PRDM5: variants seen among roughly 807,000 people sequenced by gnomAD.
PRDM5 encodes PR/SET domain 5.
PRDM5 carries 56 observed loss-of-function variants against 81.2 expected under a neutral mutation model. The ratio of observed to expected loss-of-function variants is 0.69; its 90% CI spans 0.56 to 0.86. The LOEUF is 0.86. Among genes scored for constraint, PRDM5 ranks in the 40% least tolerant of loss-of-function variants. The probability of loss-of-function intolerance (pLI) is 0.00; values close to 1 mark genes in which losing one functional copy is unlikely to be tolerated. For synonymous variants in PRDM5, 267 were observed against 256.4 expected, an observed-to-expected ratio of 1.04 and a Z score of -0.39; for missense variants, 697 against 770.1, an observed-to-expected ratio of 0.91 and a Z score of 1.12.
At chr4:120,843,201 A>T (rs1849078) in intron 3 of PRDM5, among the ~76,000 whole-genome samples, 1 of 151,886 alleles carries the variant, frequency 6.6e-6, no homozygotes, top group East Asian at 1.9e-4. Flanking sequence ...AGGCGTGATG[A>T]TGTGCACCTG....
intron 8 of PRDM5, among the ~76,000 whole-genome samples, chr4:120,805,459 A>G (rs1041798691): frequency 6.6e-6 from 1 of 152,198 alleles, no homozygotes; most frequent in Non-Finnish European, 1.5e-5. Flanking sequence ...TCGATAAAAT[A>G]CTGGCAAATC....
At chr4:120,728,325 T>C (rs184008099) in intron 14 of PRDM5, among the ~76,000 whole-genome samples, 1 of 152,188 alleles carries the variant, frequency 6.6e-6, no homozygotes, top group African/African-American at 2.4e-5. Flanking sequence ...ATAAATAGCA[T>C]TTGGTGATGA....
intron 9 of PRDM5, 95 bp from the exon 10 acceptor site, chr4:120,798,519 G>C (rs984755464): frequency 1.4e-5 from 16 of 1,141,238 alleles, no homozygotes; most frequent in Non-Finnish European, 1.9e-5. Context: ...CTTACGGTAA[G>C]AAAACTAAAG....
At chr4:120,908,326 T>C (rs1186579346) in intron 1 of PRDM5, among the ~76,000 whole-genome samples, 4 of 152,214 alleles carry the variant, frequency 2.6e-5, no homozygotes, top group Non-Finnish European at 4.4e-5. Context: ...AGACATTTTG[T>C]TGAAATGTGT....
At chr4:120,700,987 C>T (rs573378186) in intron 15 of PRDM5, among the ~76,000 whole-genome samples, 161 of 151,894 alleles carry the variant, frequency 1.1e-3, no homozygotes, top group Non-Finnish European at 3.5e-4. Context: ...TAGCTGGGTG[C>T]GGTGGCGGGT....
chr4:120,873,849 A>G lies in PRDM5; in HGVS notation c.178-20309T>C, dbSNP rs144318263. Among the ~76,000 whole-genome samples the G allele has an allele frequency of 1.0e-3, 153 of 152,308 alleles. 1 individual carries two copies. Among genetic ancestry groups the G allele is most frequent in the African/African-American group, 3.5e-3 (145 of 41,582 alleles). ...AAAGGTACTTATTTTTTCAGCACCCATGTATATAATTTTTCTGGGATAGTA... is the reference window on the plus strand; with the variant it reads ...AAAGGTACTTATTTTTTCAGCACCCGTGTATATAATTTTTCTGGGATAGTA... On this transcript the variant is annotated intron_variant, in intron 2 of 15. Transcript: ENST00000264808.
At chr4:120,784,553 G>T (rs544971933) in intron 11 of PRDM5, among the ~76,000 whole-genome samples, 43 of 152,184 alleles carry the variant, frequency 2.8e-4, no homozygotes, top group South Asian at 2.3e-3. Flanking sequence ...TCAAATTAAG[G>T]TGTCCGATTA....
chr4:120,699,193 TATATATATATA>T (rs200885274), intron 15 of PRDM5, among the ~76,000 whole-genome samples: 20,145 of 128,862 alleles, frequency 0.16, 2,112 homozygotes, highest in East Asian at 0.47. Flanking sequence ...TATATATATA[TATATATATATA>T]TTTCAGATGT....
intron 3 of PRDM5, chr4:120,838,412 G>A (rs1343444866): frequency 6.6e-6 from 1 of 152,124 alleles, no homozygotes; most frequent in African/African-American, 2.4e-5. Context: ...TCTCAAACAT[G>A]TATCATTTCT....
intron 2 of PRDM5, among the ~76,000 whole-genome samples, chr4:120,860,996 G>A (rs1387417687): frequency 6.6e-6 from 1 of 152,136 alleles, no homozygotes; most frequent in African/African-American, 2.4e-5. Flanking sequence ...TAGCCTTATA[G>A]TCATCAGTTA....
chr4:120,838,648 AG>A (rs1381552375), intron 3 of PRDM5: 1 of 152,240 alleles, frequency 6.6e-6, no homozygotes, highest in Admixed American at 6.5e-5. Context: ...GATTCTCATA[AG>A]GAACACACAA....
chr4:120,898,272 C>T (rs1764871967), intron 2 of PRDM5, among the ~76,000 whole-genome samples: 1 of 152,158 alleles, frequency 6.6e-6, no homozygotes, highest in Non-Finnish European at 1.5e-5. Context: ...GATGAGACCA[C>T]AGAACACCTT....
chr4:120,915,804 G>C (rs1724080992), intron 1 of PRDM5, among the ~76,000 whole-genome samples: 1 of 152,124 alleles, frequency 6.6e-6, no homozygotes, highest in South Asian at 2.1e-4. Context: ...CTAGGGAAGA[G>C]GAGCAGGCAT....
intron 8 of PRDM5, among the ~76,000 whole-genome samples, chr4:120,806,484 C>G (rs902635775): frequency 7.9e-5 from 12 of 152,176 alleles, no homozygotes; most frequent in Admixed American, 5.2e-4. Flanking sequence ...CAGCATGGCA[C>G]TGGTACAAAA....
At chr4:120,842,130 T>C (rs1214969662) in intron 3 of PRDM5, among the ~76,000 whole-genome samples, 1 of 152,220 alleles carries the variant, frequency 6.6e-6, no homozygotes, top group Admixed American at 6.5e-5. Context: ...GTTCTGCTTG[T>C]CTGTGGTTAT....
rs1263931700 is a variant in PRDM5, at chr4:120,693,650, T to C, written c.*1461A>G. ...TTCTTTTTAAAACTGGAACTGGGCATGAATATAATTCTAAAATGAGATTCC... is the reference window on the plus strand; with the variant it reads ...TTCTTTTTAAAACTGGAACTGGGCACGAATATAATTCTAAAATGAGATTCC... On this transcript the variant is annotated 3_prime_UTR_variant, in exon 16 of 16. Transcript: ENST00000264808. 3 of 152,156 alleles carry C rather than the reference T, an allele frequency of 2.0e-5. No individual in the cohort carries two copies. Among genetic ancestry groups the C allele is most frequent in the African/African-American group, 7.2e-5 (3 of 41,456 alleles). 9.4% of individuals were successfully genotyped at this position (152,156 alleles called of 1,614,324 possible).
intron 10 of PRDM5, among the ~76,000 whole-genome samples, chr4:120,791,761 C>A (rs764807687): frequency 4.6e-5 from 7 of 152,172 alleles, no homozygotes; most frequent in Non-Finnish European, 8.8e-5. Flanking sequence ...GCGTCTTAAC[C>A]CCCAATGTGA....
chr4:120,795,364 G>C (rs1751196962), intron 10 of PRDM5, among the ~76,000 whole-genome samples: 1 of 152,134 alleles, frequency 6.6e-6, no homozygotes, highest in African/African-American at 2.4e-5. Flanking sequence ...AGGGTGAAGA[G>C]TAATTGAACG....
chr4:120,828,191 T>C (rs1250222939), intron 3 of PRDM5, among the ~76,000 whole-genome samples: 2 of 152,090 alleles, frequency 1.3e-5, no homozygotes, highest in African/African-American at 2.4e-5. Context: ...TCTTAACTTG[T>C]CTTAGTCTAG....
Sources: gnomAD v4.1 joint callset for allele counts (sites outside exome capture counted in the v4.1 genomes callset) on GRCh38, gnomAD v4.1.1 for gene constraint, MANE v1.5 for transcripts, NCBI Gene and HGNC (gene_info 2026-07-23, HGNC 2026-07-21) for gene names.